OPCML: variants seen among roughly 807,000 people sequenced by gnomAD.
OPCML encodes opioid binding protein/cell adhesion molecule like, also known as opioid-binding protein/cell adhesion molecule.
In OPCML, 13 loss-of-function variants were observed where a neutral mutation model predicts 37.8. That is an observed-to-expected ratio of 0.34 (90% CI 0.22 to 0.55). The LOEUF (loss-of-function observed/expected upper bound fraction) is 0.55. Among genes scored for constraint, OPCML ranks in the 20% least tolerant of loss-of-function variants. The pLI is 0.91. For missense variants in OPCML, 341 were observed against 435.6 expected, an observed-to-expected ratio of 0.78 and a Z score of 1.93; for synonymous variants, 176 against 168.8, an observed-to-expected ratio of 1.04 and a Z score of -0.33.
chr11:133,060,763 G>A (rs373208786), intron 1 of OPCML, among the ~76,000 whole-genome samples: 4 of 152,238 alleles, frequency 2.6e-5, no homozygotes, highest in African/African-American at 9.6e-5. Flanking sequence ...GGCTGGGAAC[G>A]CTGCACACAG....
chr11:133,322,903 C>T (rs1943366734), intron 1 of OPCML, among the ~76,000 whole-genome samples: 1 of 152,158 alleles, frequency 6.6e-6, no homozygotes, highest in African/African-American at 2.4e-5. Flanking sequence ...AATGAACAAA[C>T]AACTGAGCAA....
chr11:132,609,943 C>A (rs1938540771), intron 3 of OPCML, among the ~76,000 whole-genome samples: 1 of 152,176 alleles, frequency 6.6e-6, no homozygotes, highest in Non-Finnish European at 1.5e-5. Context: ...AGAAGTTATT[C>A]TTTTCCTTGT....
chr11:132,971,623 A>T (rs1211654327), intron 1 of OPCML, among the ~76,000 whole-genome samples: 1 of 152,190 alleles, frequency 6.6e-6, no homozygotes, highest in Non-Finnish European at 1.5e-5. Flanking sequence ...TCTTCTCCTT[A>T]TGCAGCTGTA....
chr11:133,107,438 T>C (rs1287616281), intron 1 of OPCML, among the ~76,000 whole-genome samples: 1 of 152,198 alleles, frequency 6.6e-6, no homozygotes, highest in Admixed American at 6.5e-5. Context: ...TTGTCCATGC[T>C]TCTGGAGCTC....
intron 2 of OPCML, among the ~76,000 whole-genome samples, chr11:132,779,948 T>A (rs1485979631): frequency 2.6e-5 from 4 of 152,226 alleles, no homozygotes; most frequent in Admixed American, 2.6e-4. Context: ...TTTACTTATT[T>A]TTTTGTTGTT....
chr11:133,004,672 C>A (rs1947072860), intron 1 of OPCML: 2 of 985,334 alleles, frequency 2.0e-6, no homozygotes, highest in Non-Finnish European at 2.4e-6. Flanking sequence ...AGGGACCATG[C>A]CCTCGCTCTC....
intron 1 of OPCML, among the ~76,000 whole-genome samples, chr11:133,231,284 T>C (rs1267622928): frequency 1.3e-5 from 2 of 152,028 alleles, no homozygotes; most frequent in Admixed American, 1.3e-4. Context: ...GCTTGATGAG[T>C]AACAGGCAGT....
chr11:132,512,182 A>G (rs2137186813), intron 4 of OPCML, among the ~76,000 whole-genome samples: 1 of 152,230 alleles, frequency 6.6e-6, no homozygotes, highest in East Asian at 1.9e-4. Flanking sequence ...CTACACAGTT[A>G]TTAGAATAGA....
intron 1 of OPCML, among the ~76,000 whole-genome samples, chr11:133,021,409 C>T (rs1432105895): frequency 2.0e-5 from 3 of 152,068 alleles, no homozygotes; most frequent in Non-Finnish European, 4.4e-5. Context: ...AGATCTGTTT[C>T]ATAATCCAAC....
intron 1 of OPCML, among the ~76,000 whole-genome samples, chr11:133,289,751 C>T (rs1482971121): frequency 6.6e-6 from 1 of 152,180 alleles, no homozygotes; most frequent in Non-Finnish European, 1.5e-5. Flanking sequence ...TGAGGTTACA[C>T]AGTTAATGTT....
chr11:132,820,965 C>A (rs2136247863), intron 2 of OPCML, among the ~76,000 whole-genome samples: 1 of 152,270 alleles, frequency 6.6e-6, no homozygotes, highest in African/African-American at 2.4e-5. Flanking sequence ...AGGCATCAAA[C>A]AAAAAGACTG....
At chr11:133,160,348 TCCCAATTCCTGCCCC>T (rs1950125551) in intron 1 of OPCML, among the ~76,000 whole-genome samples, 1 of 152,170 alleles carries the variant, frequency 6.6e-6, no homozygotes, top group Non-Finnish European at 1.5e-5. Context: ...CATGTGACAC[TCCCAATTCCTGCCCC>T]AGGAATAGCC....
At chr11:132,518,541 G>A (rs1404195489) in intron 4 of OPCML, among the ~76,000 whole-genome samples, 4 of 152,184 alleles carry the variant, frequency 2.6e-5, no homozygotes, top group East Asian at 1.9e-4. Context: ...ACATTTGGAT[G>A]TGCTGTTCCC....
At chr11:132,617,198 T>C (rs1242604864) in intron 3 of OPCML, among the ~76,000 whole-genome samples, 1 of 152,230 alleles carries the variant, frequency 6.6e-6, no homozygotes, top group African/African-American at 2.4e-5. Context: ...TTCTTGAATG[T>C]CAATTGTATT....
intron 1 of OPCML, among the ~76,000 whole-genome samples, chr11:133,473,767 T>C (rs1480975911): frequency 2.0e-5 from 3 of 152,194 alleles, no homozygotes; most frequent in Admixed American, 2.0e-4. Flanking sequence ...TTGTGCCCAG[T>C]ACATCCAACC....
chr11:132,596,146 C>A (rs2096492105), intron 3 of OPCML, among the ~76,000 whole-genome samples: 1 of 152,114 alleles, frequency 6.6e-6, no homozygotes, highest in Non-Finnish European at 1.5e-5. Flanking sequence ...TGGCTTTGTG[C>A]AGACTGAATG....
At chr11:132,710,851 A>G (rs550381867) in intron 2 of OPCML, among the ~76,000 whole-genome samples, 1 of 152,060 alleles carries the variant, frequency 6.6e-6, no homozygotes, top group East Asian at 1.9e-4. Flanking sequence ...ACAGACTCCA[A>G]CTCAAAAAAG....
intron 1 of OPCML, among the ~76,000 whole-genome samples, chr11:133,089,898 G>T (rs1948877927): frequency 6.6e-6 from 1 of 152,142 alleles, no homozygotes; most frequent in Non-Finnish European, 1.5e-5. Context: ...CACGTACTTT[G>T]GCACTGTTCT....
At chr11:132,924,728 C>G (rs1944930416) in intron 2 of OPCML, among the ~76,000 whole-genome samples, 1 of 152,152 alleles carries the variant, frequency 6.6e-6, no homozygotes, top group Non-Finnish European at 1.5e-5. Flanking sequence ...TAAGCATAGG[C>G]TGTTATGTTT....
Sources: gnomAD v4.1 joint callset for allele counts (sites outside exome capture counted in the v4.1 genomes callset) on GRCh38, gnomAD v4.1.1 for gene constraint, MANE v1.5 for transcripts, NCBI Gene and HGNC (gene_info 2026-07-23, HGNC 2026-07-21) for gene names.